The following VPS13C variants were observed in gnomAD, a reference collection of about 807,000 sequenced individuals.
The protein encoded by VPS13C is vacuolar protein sorting 13 homolog C.
A neutral mutation model predicts 456.8 loss-of-function variants in VPS13C; 358 were observed. The observed-to-expected ratio is 0.78, with a 90% confidence interval of 0.72 to 0.86. The LOEUF (loss-of-function observed/expected upper bound fraction) is 0.86. VPS13C is among the 40% of genes least tolerant of loss of function. The pLI, the probability that VPS13C is intolerant of heterozygous loss-of-function variation, is 0.00. For synonymous variants in VPS13C, 1,578 were observed against 1,486.7 expected (o/e 1.06, Z -1.41); for missense variants, 4,818 against 4,385.4 (o/e 1.10, Z -2.79).
At chr15:62,015,186 G>C (rs979043762) in intron 9 of VPS13C, among the ~76,000 whole-genome samples, 5 of 152,080 alleles carry the variant, frequency 3.3e-5, no homozygotes, top group Non-Finnish European at 7.4e-5. Flanking sequence ...CTATCCTTTA[G>C]AACACAGATT....
At chr15:61,917,320 A>T in intron 60 of VPS13C, 21 bp downstream of exon 60, 1 of 1,602,680 alleles carries the variant, frequency 6.2e-7, no homozygotes, top group Non-Finnish European at 8.5e-7. Context: ...ACAAAAATCA[A>T]ACAAAATGCA....
intron 2 of VPS13C, among the ~76,000 whole-genome samples, chr15:62,043,423 T>C (rs979756701): frequency 2.0e-5 from 3 of 152,096 alleles, no homozygotes; most frequent in Admixed American, 6.5e-5. Context: ...CTGGCCAACA[T>C]GGCAAAACCC....
intron 67 of VPS13C, among the ~76,000 whole-genome samples, chr15:61,885,759 T>C (rs1896217367): frequency 6.6e-6 from 1 of 152,138 alleles, no homozygotes; most frequent in African/African-American, 2.4e-5. Flanking sequence ...ATTTTTCCCA[T>C]AATCAGTTGT....
At chr15:61,910,952 C>G (rs949293368) in intron 63 of VPS13C, among the ~76,000 whole-genome samples, 1 of 152,084 alleles carries the variant, frequency 6.6e-6, no homozygotes, top group African/African-American at 2.4e-5. Context: ...AAAATAAGCA[C>G]TTACTTGTTG....
intron 17 of VPS13C, 92 bp from the exon 18 acceptor site, chr15:61,991,186 A>G (rs915975358): frequency 2.1e-6 from 2 of 973,454 alleles, no homozygotes; most frequent in African/African-American, 3.3e-5. Context: ...TCCTAAAATC[A>G]ACAGACACAA....
At chr15:61,935,496 G>A (rs748842933) in intron 48 of VPS13C, 4 of 152,084 alleles carry the variant, frequency 2.6e-5, no homozygotes, top group South Asian at 2.1e-4. Context: ...CAAGTGACAC[G>A]GTGTCCATAT....
intron 81 of VPS13C, chr15:61,864,641 C>T: frequency 1.0e-6 from 1 of 985,344 alleles, no homozygotes; most frequent in Non-Finnish European, 1.2e-6. Flanking sequence ...TGCTTGGTAC[C>T]TAGTCATTCC....
At chr15:62,056,837 G>T (rs934778906) in intron 1 of VPS13C, among the ~76,000 whole-genome samples, 1 of 152,184 alleles carries the variant, frequency 6.6e-6, no homozygotes, top group African/African-American at 2.4e-5. Context: ...CTTTCTCTCT[G>T]TCTCCTCTCT....
chr15:62,015,026 C>T (rs1328499771), intron 9 of VPS13C, among the ~76,000 whole-genome samples: 1 of 152,070 alleles, frequency 6.6e-6, no homozygotes, highest in Non-Finnish European at 1.5e-5. Flanking sequence ...AAGGAAACTA[C>T]CCATTCTTAT....
chr15:61,895,821 G>A (rs535133968), intron 66 of VPS13C, among the ~76,000 whole-genome samples: 36 of 152,194 alleles, frequency 2.4e-4, no homozygotes, highest in African/African-American at 3.4e-4. Flanking sequence ...GAAGAAGGGC[G>A]GATAGGGAAA....
intron 67 of VPS13C, among the ~76,000 whole-genome samples, chr15:61,888,589 G>T (rs113876780): frequency 3.9e-5 from 6 of 152,104 alleles, no homozygotes; most frequent in Admixed American, 1.3e-4. Flanking sequence ...CTAAGTGAAA[G>T]AAGTTAATTT....
intron 79 of VPS13C, among the ~76,000 whole-genome samples, chr15:61,871,442 T>G (rs917100690): frequency 1.3e-5 from 2 of 152,176 alleles, no homozygotes; most frequent in African/African-American, 4.8e-5. Flanking sequence ...ACTCTATTTC[T>G]GAATAGTATC....
Position 61,890,281 on chromosome 15 carries a change from C to T in VPS13C, c.9225G>A (p.Leu3075=), listed in dbSNP as rs140393398. The change falls in exon 67 of 85, where the codon CTG becomes CTA. Residue 3075 remains leucine, a synonymous_variant. Transcript: ENST00000644861. The stretch of plus-strand genomic sequence containing the variant: ...CAGCCTGTTCCATTTCTTCTGCCTG[C>T]AGTGCTTTGGAAACCAAGGCAACAT... The part of the protein sequence containing the change: ...TDDVALVSKA[L]QAEEMEQADY... 2 of 1,613,926 alleles carry T rather than the reference C, an allele frequency of 1.2e-6. No individual in the cohort carries two copies. Among genetic ancestry groups the T allele is most frequent in the African/African-American group, 2.7e-5 (2 of 74,882 alleles).
intron 12 of VPS13C, among the ~76,000 whole-genome samples, 193 bp downstream of exon 12, chr15:62,011,914 T>TAAA (rs2047052771): frequency 6.6e-6 from 1 of 151,988 alleles, no homozygotes; most frequent in Non-Finnish European, 1.5e-5. Flanking sequence ...TCTCTCTCTC[T>TAAA]TATTCTCCAG....
At chr15:61,893,243 G>A (rs2042704299) in intron 66 of VPS13C, among the ~76,000 whole-genome samples, 1 of 152,096 alleles carries the variant, frequency 6.6e-6, no homozygotes, top group African/African-American at 2.4e-5. Context: ...AAGAAAAGAA[G>A]CAGATAACAT....
chr15:61,889,769 T>TA (rs776168299), intron 67 of VPS13C, among the ~76,000 whole-genome samples: 12 of 152,184 alleles, frequency 7.9e-5, no homozygotes, highest in Non-Finnish European at 1.6e-4. Context: ...CTCTAACCTC[T>TA]ACTGCACAAA....
intron 35 of VPS13C, among the ~76,000 whole-genome samples, chr15:61,960,274 C>T (rs1046693858): frequency 1.3e-5 from 2 of 152,070 alleles, no homozygotes; most frequent in African/African-American, 4.8e-5. Flanking sequence ...CAGTAGTAGT[C>T]ATGTAGTCAT....
intron 57 of VPS13C, 59 bp downstream of exon 57, chr15:61,920,008 A>G (rs758523181): frequency 5.6e-5 from 77 of 1,383,652 alleles, no homozygotes; most frequent in Non-Finnish European, 7.1e-5. Flanking sequence ...CATTTTATCA[A>G]AAATAAGCCC....
intron 79 of VPS13C, 126 bp downstream of exon 79, chr15:61,871,863 G>C (rs1366786371): frequency 1.3e-6 from 1 of 788,646 alleles, no homozygotes; most frequent in Non-Finnish European, 2.0e-6. Flanking sequence ...GCAACTTAAG[G>C]CTACGAATAT....
Sources: gnomAD v4.1 joint callset for allele counts (sites outside exome capture counted in the v4.1 genomes callset) on GRCh38, gnomAD v4.1.1 for gene constraint, MANE v1.5 for transcripts, NCBI Gene and HGNC (gene_info 2026-07-23, HGNC 2026-07-21) for gene names.